The following RICTOR variants were observed in gnomAD, a reference collection of about 807,000 sequenced individuals.
RICTOR encodes the protein RPTOR independent companion of MTOR complex 2.
A neutral mutation model predicts 214.9 loss-of-function variants in RICTOR; 49 were observed. That is an observed-to-expected ratio of 0.23 (90% CI 0.18 to 0.29). The LOEUF is 0.29. Ranked by LOEUF, RICTOR falls within the 10% of genes least tolerant of loss-of-function variation. RICTOR has a pLI of 1.00. For synonymous variants in RICTOR, 717 were observed against 711.3 expected (o/e 1.01, Z -0.13); for missense variants, 1,625 against 2,047.0 (o/e 0.79, Z 3.98).
intron 1 of RICTOR, 81 bp downstream of exon 1, chr5:39,074,248 C>G: frequency 6.3e-7 from 1 of 1,583,904 alleles, no homozygotes. Context: ...CGGCTCGCTC[C>G]CCAACCCAGG....
At chr5:39,047,641 A>G (rs912887895) in intron 2 of RICTOR, among the ~76,000 whole-genome samples, 2 of 152,238 alleles carry the variant, frequency 1.3e-5, no homozygotes, top group Non-Finnish European at 2.9e-5. Flanking sequence ...TTTAGGAAAA[A>G]CATATGACTA....
At chr5:38,982,212 C>T (rs538230045) in intron 7 of RICTOR, among the ~76,000 whole-genome samples, 176 bp from the exon 8 acceptor site, 12 of 152,188 alleles carry the variant, frequency 7.9e-5, no homozygotes, top group African/African-American at 2.9e-4. Context: ...AATATACTTC[C>T]CCACAACCTG....
chr5:38,954,059 C>T (rs564496996), intron 27 of RICTOR, among the ~76,000 whole-genome samples: 13 of 151,322 alleles, frequency 8.6e-5, no homozygotes, highest in African/African-American at 2.9e-4. Flanking sequence ...TTTTCACAGA[C>T]GTAATATAAA....
intron 2 of RICTOR, among the ~76,000 whole-genome samples, chr5:39,036,621 G>T (rs1756723789): frequency 1.3e-5 from 2 of 152,176 alleles, no homozygotes; most frequent in South Asian, 4.1e-4. Context: ...GATGGAGGAA[G>T]ATCTACCAAG....
At chr5:38,955,249 C>T (rs1427305987) in intron 26 of RICTOR, among the ~76,000 whole-genome samples, 2 of 151,876 alleles carry the variant, frequency 1.3e-5, no homozygotes, top group South Asian at 4.1e-4. Flanking sequence ...CAAGGTATCT[C>T]GTTATATATA....
At chr5:38,974,295 C>A (rs1040088616) in intron 10 of RICTOR, among the ~76,000 whole-genome samples, 9 of 150,990 alleles carry the variant, frequency 6.0e-5, no homozygotes, top group African/African-American at 2.0e-4. Flanking sequence ...GGTGATCCAC[C>A]CACCTTAGCA....
At chr5:39,074,303 G>A (rs368242463) in intron 1 of RICTOR, 26 bp downstream of exon 1, 12 of 1,556,838 alleles carry the variant, frequency 7.7e-6, no homozygotes, top group Non-Finnish European at 9.6e-6. Context: ...CCGGGCGGTG[G>A]GGAGTGAGGG....
At chr5:38,944,360 G>A in intron 36 of RICTOR, 86 bp downstream of exon 36, 1 of 1,356,848 alleles carries the variant, frequency 7.4e-7, no homozygotes, top group Non-Finnish European at 1.0e-6. Context: ...AAGTTAACTA[G>A]CCTAACTTTT....
chr5:38,994,226 G>A, intron 6 of RICTOR, among the ~76,000 whole-genome samples: 2 of 151,022 alleles, frequency 1.3e-5, no homozygotes. Flanking sequence ...ATTAACTTCA[G>A]GATATGTGTA....
intron 7 of RICTOR, among the ~76,000 whole-genome samples, chr5:38,988,965 T>C (rs1304378022): frequency 1.3e-5 from 2 of 152,040 alleles, no homozygotes; most frequent in Admixed American, 1.3e-4. Context: ...TTCAAAGCTA[T>C]CCCCGTCAAG....
At chr5:38,942,691 A>C (rs1747718870) in intron 37 of RICTOR, 142 bp downstream of exon 37, 1 of 630,568 alleles carries the variant, frequency 1.6e-6, no homozygotes. Context: ...CCTGGGCTCA[A>C]GCAATTCTCC....
chr5:39,011,906 G>T (rs1217780080), intron 3 of RICTOR, among the ~76,000 whole-genome samples: 1 of 152,140 alleles, frequency 6.6e-6, no homozygotes, highest in East Asian at 1.9e-4. Flanking sequence ...TTTGGACTTG[G>T]ACTTTTGGGT....
At position 39,012,747 on chromosome 5, in the gene RICTOR, G is replaced by C. The variant is rs772067209; in HGVS notation, c.195+8292C>G. 9.4e-4 allele frequency among the ~76,000 whole-genome samples: 143 copies of C among 152,170 alleles called. 1 individual carries two copies. The highest frequency in any genetic ancestry group is 1.6e-3 in the Non-Finnish European group (112 of 67,992). ...TGTTAAAGACTTTACAAAATGTTAA[G>C]AATTAGCGTTTACAGTCACATAAAA... On this transcript the variant is annotated intron_variant, in intron 3 of 37. Transcript: ENST00000357387.
chr5:38,944,710 T>G, intron 35 of RICTOR, 141 bp from the exon 36 acceptor site: 1 of 895,174 alleles, frequency 1.1e-6, no homozygotes, highest in Non-Finnish European at 1.7e-6. Flanking sequence ...GGAGCAAAAC[T>G]CTAATAAAAG....
chr5:39,048,146 A>G (rs1337079347), intron 2 of RICTOR, among the ~76,000 whole-genome samples: 1 of 152,196 alleles, frequency 6.6e-6, no homozygotes, highest in African/African-American at 2.4e-5. Context: ...CATGGGTACC[A>G]CCTGTGAGCA....
intron 2 of RICTOR, among the ~76,000 whole-genome samples, chr5:39,040,216 G>A (rs1413322197): frequency 6.7e-6 from 1 of 150,214 alleles, no homozygotes; most frequent in Non-Finnish European, 1.5e-5. Context: ...CTATTGCAAG[G>A]ACAAAAAACC....
At chr5:39,044,493 A>G (rs1400845524) in intron 2 of RICTOR, among the ~76,000 whole-genome samples, 1 of 152,122 alleles carries the variant, frequency 6.6e-6, no homozygotes, top group African/African-American at 2.4e-5. Context: ...GATAGTTATA[A>G]TATGGACATA....
intron 7 of RICTOR, among the ~76,000 whole-genome samples, chr5:38,983,089 C>A (rs1429164868): frequency 6.6e-6 from 1 of 152,142 alleles, no homozygotes; most frequent in African/African-American, 2.4e-5. Context: ...AAAGATCTCT[C>A]ACATTACTTT....
chr5:38,957,317 A>G (rs1406223127), intron 25 of RICTOR, among the ~76,000 whole-genome samples: 12 of 152,178 alleles, frequency 7.9e-5, no homozygotes, highest in Non-Finnish European at 1.6e-4. Flanking sequence ...GGGCTCATGC[A>G]AAGTTGTAGG....
Sources: gnomAD v4.1 joint callset for allele counts (sites outside exome capture counted in the v4.1 genomes callset) on GRCh38, gnomAD v4.1.1 for gene constraint, MANE v1.5 for transcripts, NCBI Gene and HGNC (gene_info 2026-07-23, HGNC 2026-07-21) for gene names.